Variants in MBD5 observed in about 807,000 individuals in gnomAD.
The protein encoded by MBD5 is methyl-CpG binding domain protein 5.
A neutral mutation model predicts 117.3 loss-of-function variants in MBD5; 13 were observed. The observed-to-expected ratio is 0.11, with a 90% CI of 0.07 to 0.18. The LOEUF is 0.18. MBD5 is among the 10% of genes least tolerant of loss of function. The probability of loss-of-function intolerance (pLI) is 1.00; values close to 1 mark genes in which losing one functional copy is unlikely to be tolerated. For missense variants in MBD5, 1,879 were observed against 2,093.8 expected, an observed-to-expected ratio of 0.90 and a Z score of 2.00; for synonymous variants, 727 against 766.4, an observed-to-expected ratio of 0.95 and a Z score of 0.85.
chr2:148,160,979 A>G (rs1266791070), intron 1 of MBD5, among the ~76,000 whole-genome samples: 1 of 152,178 alleles, frequency 6.6e-6, no homozygotes, highest in African/African-American at 2.4e-5. Context: ...GAATTATGGG[A>G]GAAGACTCAT....
At chr2:148,312,106 T>G (rs971480643) in intron 3 of MBD5, among the ~76,000 whole-genome samples, 9 of 152,174 alleles carry the variant, frequency 5.9e-5, no homozygotes, top group African/African-American at 2.2e-4. Flanking sequence ...TCAACCTTGG[T>G]GAATCTGACC....
At chr2:148,091,044 A>G (rs535719844) in intron 1 of MBD5, among the ~76,000 whole-genome samples, 1 of 152,208 alleles carries the variant, frequency 6.6e-6, no homozygotes, top group African/African-American at 2.4e-5. Flanking sequence ...CAAGCTGAGA[A>G]CTCAACTTCT....
intron 1 of MBD5, among the ~76,000 whole-genome samples, chr2:148,117,699 A>G (rs923266577): frequency 6.6e-6 from 1 of 152,220 alleles, no homozygotes; most frequent in African/African-American, 2.4e-5. Flanking sequence ...CATCAAAATT[A>G]TCATTATTAT....
intron 1 of MBD5, among the ~76,000 whole-genome samples, chr2:148,142,677 C>T (rs1024169850): frequency 2.6e-5 from 4 of 152,120 alleles, no homozygotes; most frequent in African/African-American, 9.7e-5. Context: ...AAAGTACCAG[C>T]ATGGCTGTTA....
At chr2:148,059,460 A>C (rs924910239) in intron 1 of MBD5, among the ~76,000 whole-genome samples, 4 of 152,208 alleles carry the variant, frequency 2.6e-5, no homozygotes, top group Admixed American at 2.6e-4. Context: ...TTTATTGGAA[A>C]TTTACTGTTA....
At chr2:148,283,689 T>C (rs993731400) in intron 3 of MBD5, among the ~76,000 whole-genome samples, 1 of 152,160 alleles carries the variant, frequency 6.6e-6, no homozygotes. Context: ...AATACAGTTT[T>C]CTCCTCCTCC....
At chr2:148,512,791 C>T (rs2105294160) in intron 13 of MBD5, 79 bp from the exon 14 acceptor site, 1 of 1,304,500 alleles carries the variant, frequency 7.7e-7, no homozygotes. Flanking sequence ...CCCTACCCTG[C>T]TCCTTTGTCA....
chr2:148,170,480 CTGTT>C (rs1558957076), intron 1 of MBD5, among the ~76,000 whole-genome samples: 1 of 152,094 alleles, frequency 6.6e-6, no homozygotes, highest in African/African-American at 2.4e-5. Context: ...AATTCATTGA[CTGTT>C]TGATTTCTGT....
At chr2:148,420,854 G>A (rs1380590139) in intron 4 of MBD5, among the ~76,000 whole-genome samples, 4 of 152,008 alleles carry the variant, frequency 2.6e-5, no homozygotes, top group Non-Finnish European at 5.9e-5. Flanking sequence ...AGCCTCCCAA[G>A]TAGCTGTGAC....
chr2:148,230,687 C>T (rs1034806923), intron 2 of MBD5, among the ~76,000 whole-genome samples: 1 of 152,130 alleles, frequency 6.6e-6, no homozygotes, highest in African/African-American at 2.4e-5. Context: ...CTCAGAGTCT[C>T]ACCCAAGGCC....
At chr2:148,440,037 C>T (rs1204754131) in intron 4 of MBD5, among the ~76,000 whole-genome samples, 5 of 152,050 alleles carry the variant, frequency 3.3e-5, no homozygotes, top group East Asian at 3.9e-4. Context: ...CCGCACCTGG[C>T]GCCTATTCTT....
At position 148,470,305 on chromosome 2, in the gene MBD5, C is replaced by A; in HGVS notation, c.2362C>A (p.Gln788Lys). The A allele has an allele frequency of 6.2e-7, 1 of 1,613,926 alleles. No homozygotes were observed. Among genetic ancestry groups the A allele is most frequent in the Non-Finnish European group, 8.5e-7 (1 of 1,179,896 alleles). Residue 788 changes from glutamine (Q) to lysine (K), a missense_variant, in exon 8 of 14, where the codon CAG becomes AAG. Transcript: ENST00000642680. ...HHLAGLINQI[Q>K]ASGNCGMLSQ... is the part of the protein sequence containing the mutation. ...TCTTGCAGGTTTAATAAATCAGATT[C>A]AGGCTAGCGGGAACTGTGGGATGCT...
chr2:148,155,944 T>C (rs145959252), intron 1 of MBD5, among the ~76,000 whole-genome samples: 1 of 152,096 alleles, frequency 6.6e-6, no homozygotes, highest in Non-Finnish European at 1.5e-5. Context: ...TAAGAGGGAG[T>C]TATACCTTCA....
intron 1 of MBD5, among the ~76,000 whole-genome samples, chr2:148,160,235 T>TA (rs1345941139): frequency 1.3e-5 from 2 of 152,098 alleles, no homozygotes; most frequent in African/African-American, 4.8e-5. Flanking sequence ...CCGTCTCTAC[T>TA]AAAAATATAA....
At chr2:148,189,155 T>C (rs1410697959) in intron 2 of MBD5, among the ~76,000 whole-genome samples, 1 of 146,100 alleles carries the variant, frequency 6.8e-6, no homozygotes, top group Non-Finnish European at 1.5e-5. Context: ...GAGATCAAAC[T>C]GCAAGGCGGC....
chr2:148,154,235 C>T (rs1004534743), intron 1 of MBD5, among the ~76,000 whole-genome samples: 13 of 151,968 alleles, frequency 8.6e-5, no homozygotes, highest in East Asian at 1.9e-4. Flanking sequence ...GGGGGTGCCT[C>T]CCAGTTAGGC....
intron 4 of MBD5, among the ~76,000 whole-genome samples, chr2:148,351,992 C>G (rs1320318036): frequency 6.6e-6 from 1 of 152,060 alleles, no homozygotes; most frequent in African/African-American, 2.4e-5. Flanking sequence ...TCGTTGGATA[C>G]TGGCAGGTTT....
chr2:148,486,816 A>G (rs2105101399), intron 10 of MBD5, among the ~76,000 whole-genome samples: 1 of 152,326 alleles, frequency 6.6e-6, no homozygotes, highest in South Asian at 2.1e-4. Flanking sequence ...GGTGCAGGGA[A>G]ATAGATTCAC....
At chr2:148,179,511 T>A (rs1698472249) in intron 2 of MBD5, among the ~76,000 whole-genome samples, 1 of 152,220 alleles carries the variant, frequency 6.6e-6, no homozygotes, top group Non-Finnish European at 1.5e-5. Flanking sequence ...TTGTTCTTTA[T>A]CCACTCCAAA....
Sources: gnomAD v4.1 joint callset for allele counts (sites outside exome capture counted in the v4.1 genomes callset) on GRCh38, gnomAD v4.1.1 for gene constraint, MANE v1.5 for transcripts, NCBI Gene and HGNC (gene_info 2026-07-23, HGNC 2026-07-21) for gene names.